The following SH2D4A variants were observed in gnomAD, a reference collection of about 807,000 sequenced individuals.
SH2D4A encodes the protein SH2 domain-containing protein 4A.
A neutral mutation model predicts 64.7 loss-of-function variants in SH2D4A; 70 were observed. The observed-to-expected ratio is 1.08, with a 90% confidence interval of 0.89 to 1.32. The LOEUF (loss-of-function observed/expected upper bound fraction) is 1.32. Ranked by LOEUF, SH2D4A falls within the 40% of genes most tolerant of loss-of-function variation. The probability of loss-of-function intolerance (pLI) is 0.00; values close to 1 mark genes in which losing one functional copy is unlikely to be tolerated. For missense variants in SH2D4A, 706 were observed against 540.1 expected, an observed-to-expected ratio of 1.31 and a Z score of -3.04; for synonymous variants, 268 against 200.7, an observed-to-expected ratio of 1.34 and a Z score of -2.83.
rs1017522809 is a variant in SH2D4A, at chr8:19,367,308, T to C, written c.917+3026T>C. Among the ~76,000 whole-genome samples the C allele has an allele frequency of 3.8e-4, 58 of 152,260 alleles. No homozygotes were observed. In the Middle Eastern group the frequency reaches 0.014, roughly 36 times the overall value. ...GGAGCTTTTGTTCTACTTTTAATTT[T>C]TTGAGAAACTTCATATGGTTGTCTA... is the stretch of plus-strand genomic sequence containing the variant. On this transcript the variant is annotated intron_variant, in intron 7 of 9. Coordinates refer to ENST00000265807, the MANE Select transcript of SH2D4A (RefSeq NM_022071.4).
chr8:19,382,305 GAC>G (rs1479651317), intron 8 of SH2D4A, among the ~76,000 whole-genome samples: 4 of 152,114 alleles, frequency 2.6e-5, no homozygotes, highest in Non-Finnish European at 5.9e-5. Flanking sequence ...ATTCTTGATT[GAC>G]AGTTATTTTT....
At chr8:19,350,618 G>A (rs551478559) in intron 4 of SH2D4A, among the ~76,000 whole-genome samples, 1 of 152,158 alleles carries the variant, frequency 6.6e-6, no homozygotes, top group South Asian at 2.1e-4. Context: ...CGAGTAGCTG[G>A]AACTACAGGC....
At position 19,373,342 on chromosome 8, in the gene SH2D4A, A is replaced by G. The variant is rs954667908; in HGVS notation, c.918-188A>G. On this transcript the variant is annotated intron_variant, in intron 7 of 9. Transcript: ENST00000265807. ...TCTCTCCCCCCACCCCCACACACAC[A>G]TGTGTATATATATATATATGTATAT... Among the ~76,000 whole-genome samples, 527 of 138,554 alleles carry G rather than the reference A, an allele frequency of 3.8e-3. 1 individual carries two copies. The highest frequency in any genetic ancestry group is 4.4e-3 in the Non-Finnish European group (279 of 64,044). 90.9% of individuals were successfully genotyped at this position (138,554 alleles called of 152,430 possible).
chr8:19,368,314 A>T (rs2053035361), intron 7 of SH2D4A, among the ~76,000 whole-genome samples: 1 of 152,092 alleles, frequency 6.6e-6, no homozygotes, highest in Non-Finnish European at 1.5e-5. Flanking sequence ...TTTGTTCCTT[A>T]TGCTACAAAT....
In SH2D4A at chr8:19,361,183, T is replaced by G; in HGVS notation, c.595-20T>G. Reference sequence around the variant, plus strand: ...TTGTTTTGTTTTGTTTTTGTTTTTTTTTGTTTTGTTTTTAAACAGAAGAAA... The same window carrying G: ...TTGTTTTGTTTTGTTTTTGTTTTTTGTTGTTTTGTTTTTAAACAGAAGAAA... On this transcript the variant is annotated intron_variant, in intron 5 of 9. Coordinates refer to ENST00000265807, the MANE Select transcript of SH2D4A (RefSeq NM_022071.4). 7.1e-7 allele frequency: 1 copy of G among 1,417,508 alleles called. No homozygotes were observed. 87.8% of individuals were successfully genotyped at this position (1,417,508 alleles called of 1,614,324 possible).
intron 8 of SH2D4A, among the ~76,000 whole-genome samples, chr8:19,389,370 C>T (rs1261307615): frequency 1.3e-5 from 2 of 152,220 alleles, no homozygotes; most frequent in Non-Finnish European, 2.9e-5. Flanking sequence ...AGCCCCTAAA[C>T]ACATGTGGCT....
intron 8 of SH2D4A, among the ~76,000 whole-genome samples, chr8:19,387,620 C>T (rs1366951440): frequency 6.6e-6 from 1 of 152,200 alleles, no homozygotes; most frequent in Non-Finnish European, 1.5e-5. Context: ...GATCATGATG[C>T]CTGACTTCTT....
intron 4 of SH2D4A, 37 bp from the exon 5 acceptor site, chr8:19,357,166 C>G (rs760280672): frequency 1.3e-6 from 2 of 1,502,176 alleles, no homozygotes; most frequent in African/African-American, 2.8e-5. Flanking sequence ...TGCACTGCAG[C>G]TCCAAATGCC....
intron 4 of SH2D4A, among the ~76,000 whole-genome samples, chr8:19,349,480 A>G (rs116503879): frequency 0.037 from 5,654 of 152,318 alleles, 165 homozygotes; most frequent in South Asian, 0.1. Flanking sequence ...TTTTGTTACC[A>G]ACTTCATAAT....
At chr8:19,352,759 C>T (rs2052727992) in intron 4 of SH2D4A, among the ~76,000 whole-genome samples, 3 of 152,196 alleles carry the variant, frequency 2.0e-5, no homozygotes, top group Non-Finnish European at 4.4e-5. Flanking sequence ...ATAATCTCAG[C>T]ACTTTGGGAG....
chr8:19,338,836 T>C (rs1476236600), intron 4 of SH2D4A, among the ~76,000 whole-genome samples: 5 of 152,216 alleles, frequency 3.3e-5, no homozygotes, highest in Non-Finnish European at 7.3e-5. Flanking sequence ...CTGGTAGGAT[T>C]TTTTGATGAG....
At position 19,357,363 on chromosome 8, in the gene SH2D4A, C is replaced by G. The variant is rs549928644; in HGVS notation, c.594+80C>G. The G allele has an allele frequency of 1.9e-5, 19 of 1,023,236 alleles. No homozygotes were observed. The South Asian group carries it at 1.9e-4, about 10-fold the overall frequency. The allele number at this position is 1,023,236 out of a possible 1,614,324, so 63.4% of individuals were successfully genotyped here. Reference sequence around the variant, plus strand: ...ATGTTTCACAGATTAGTTAATTAATCTCATGCAGAAATGAAATTAAGCAGC... The same window carrying G: ...ATGTTTCACAGATTAGTTAATTAATGTCATGCAGAAATGAAATTAAGCAGC... On this transcript the variant is annotated intron_variant, in intron 5 of 9. Transcript: ENST00000265807.
At position 19,364,236 on chromosome 8, in the gene SH2D4A, A is replaced by G. The variant is rs2052948264; in HGVS notation, c.871A>G (p.Lys291Glu). The change falls in exon 7 of 10, where the codon AAG becomes GAG. Residue 291 changes from lysine to glutamate, a missense_variant. Physicochemically the swap from Lys to Glu is moderately conservative, Grantham distance 56. Transcript: ENST00000265807. ...QKPERPPLPP[K>E]PQFLNSGAYP... ...ACCAGAAAGACCTCCCCTTCCACCC[A>G]AGCCTCAGTTCCTAAACTCAGGGGC... is the stretch of plus-strand genomic sequence containing the variant. 2.5e-6 allele frequency: 4 copies of G among 1,614,032 alleles called. No homozygotes were observed. The highest frequency in any genetic ancestry group is 3.4e-6 in the Non-Finnish European group (4 of 1,179,996).
chr8:19,336,154 C>A (rs1417168441), intron 4 of SH2D4A, among the ~76,000 whole-genome samples: 3 of 152,186 alleles, frequency 2.0e-5, no homozygotes, highest in African/African-American at 7.2e-5. Flanking sequence ...CATTTTACAG[C>A]TGGGGAAACT....
At chr8:19,342,073 A>AT (rs910869141) in intron 4 of SH2D4A, among the ~76,000 whole-genome samples, 30 of 152,284 alleles carry the variant, frequency 2.0e-4, no homozygotes, top group African/African-American at 7.2e-4. Context: ...CTAGTTAACA[A>AT]TTACCCTTTT....
At chr8:19,330,163 T>G (rs912230794) in intron 2 of SH2D4A, among the ~76,000 whole-genome samples, 2 of 152,150 alleles carry the variant, frequency 1.3e-5, no homozygotes, top group Non-Finnish European at 2.9e-5. Context: ...AATGAACTAC[T>G]ACGAAGGCCT....
At chr8:19,335,098 A>G (rs577556547) in intron 4 of SH2D4A, among the ~76,000 whole-genome samples, 44 of 152,016 alleles carry the variant, frequency 2.9e-4, no homozygotes, top group Non-Finnish European at 5.0e-4. Context: ...CCTGGCTAAC[A>G]CGGTGAAACC....
chr8:19,335,182 G>A (rs561085654), intron 4 of SH2D4A, among the ~76,000 whole-genome samples: 28 of 152,092 alleles, frequency 1.8e-4, no homozygotes, highest in Non-Finnish European at 2.4e-4. Context: ...CAGCTACTCG[G>A]GAGGCTGAGG....
intron 8 of SH2D4A, among the ~76,000 whole-genome samples, chr8:19,384,952 T>G (rs541271677): frequency 6.6e-6 from 1 of 152,322 alleles, no homozygotes; most frequent in South Asian, 2.1e-4. Flanking sequence ...TTCACATATT[T>G]GCTTTATGTA....
Sources: allele counts gnomAD v4.1 joint callset (sites outside exome capture counted in the v4.1 genomes callset), GRCh38; gene constraint gnomAD v4.1.1; transcripts MANE v1.5; gene names NCBI Gene and HGNC (gene_info 2026-07-23, HGNC 2026-07-21).